Variants in RBFOX1 observed in about 807,000 individuals in gnomAD.
The protein encoded by RBFOX1 is RNA binding protein fox-1 homolog 1.
A neutral mutation model predicts 57.7 loss-of-function variants in RBFOX1; 8 were observed. That is an observed-to-expected ratio of 0.14 (90% CI 0.08 to 0.25). The LOEUF is 0.25. RBFOX1 is among the 10% of genes least tolerant of loss of function. The pLI, the probability that RBFOX1 is intolerant of heterozygous loss-of-function variation, is 1.00. For missense variants in RBFOX1, 611 were observed against 548.5 expected (o/e 1.11, Z -1.14); for synonymous variants, 326 against 222.4 (o/e 1.47, Z -4.15).
intron 4 of RBFOX1, among the ~76,000 whole-genome samples, chr16:5,992,227 AAG>A (rs1436827455): frequency 6.6e-6 from 1 of 152,214 alleles, no homozygotes; most frequent in Non-Finnish European, 1.5e-5. Context: ...TCAAAGAACA[AAG>A]AGTTTTCAAG....
chr16:5,989,766 C>G (rs748987), intron 4 of RBFOX1, among the ~76,000 whole-genome samples: 73,016 of 150,730 alleles, frequency 0.48, 17,882 homozygotes, highest in African/African-American at 0.53. Context: ...TGAGAATGAT[C>G]CTGGGCTAAG....
chr16:7,212,450 C>G (rs575947043), intron 4 of RBFOX1, among the ~76,000 whole-genome samples: 143 of 152,258 alleles, frequency 9.4e-4, no homozygotes, highest in Middle Eastern at 3.4e-3. Context: ...ATACTTGTAT[C>G]CATGCAGATG....
chr16:5,442,579 G>A (rs148321912), intron 1 of RBFOX1, among the ~76,000 whole-genome samples: 1 of 152,288 alleles, frequency 6.6e-6, no homozygotes, highest in Non-Finnish European at 1.5e-5. Context: ...AGGGAAGGGA[G>A]GACAGCCATG....
At chr16:6,757,463 T>C (rs1049886672) in intron 3 of RBFOX1, among the ~76,000 whole-genome samples, 1 of 152,136 alleles carries the variant, frequency 6.6e-6, no homozygotes, top group Non-Finnish European at 1.5e-5. Flanking sequence ...TATTCAGCCC[T>C]GAAAAAGGAT....
At chr16:7,209,319 G>A (rs1460650992) in intron 4 of RBFOX1, among the ~76,000 whole-genome samples, 1 of 152,032 alleles carries the variant, frequency 6.6e-6, no homozygotes, top group Admixed American at 6.6e-5. Context: ...TAGGCGACAA[G>A]AGCGAAACTC....
intron 3 of RBFOX1, among the ~76,000 whole-genome samples, chr16:6,888,615 G>A (rs1028831693): frequency 2.6e-5 from 4 of 151,920 alleles, no homozygotes; most frequent in African/African-American, 9.7e-5. Flanking sequence ...GAGGTCTTTT[G>A]GTTCATCAGG....
intron 10 of RBFOX1, among the ~76,000 whole-genome samples, chr16:7,611,664 G>C (rs1242049655): frequency 6.6e-6 from 1 of 152,084 alleles, no homozygotes; most frequent in African/African-American, 2.4e-5. Context: ...ACTTGGGTGG[G>C]GTGGGGGCGA....
At chr16:6,960,371 G>A (rs1026319459) in intron 3 of RBFOX1, among the ~76,000 whole-genome samples, 1 of 152,102 alleles carries the variant, frequency 6.6e-6, no homozygotes, top group African/African-American at 2.4e-5. Flanking sequence ...ATAAGCTCTG[G>A]AAAACTTTCT....
At chr16:5,303,513 G>C (rs1220616432) in intron 1 of RBFOX1, among the ~76,000 whole-genome samples, 1 of 152,114 alleles carries the variant, frequency 6.6e-6, no homozygotes, top group African/African-American at 2.4e-5. Flanking sequence ...GGAACATTCT[G>C]AAACCCTGGA....
intron 1 of RBFOX1, among the ~76,000 whole-genome samples, chr16:6,135,807 T>TG (rs2096662613): frequency 7.0e-6 from 1 of 142,634 alleles, no homozygotes; most frequent in African/African-American, 2.7e-5. Context: ...TTTTTTTTTT[T>TG]TTTTTGAGAC....
At chr16:7,597,904 G>C (rs980711527) in intron 9 of RBFOX1, among the ~76,000 whole-genome samples, 1 of 152,166 alleles carries the variant, frequency 6.6e-6, no homozygotes, top group Non-Finnish European at 1.5e-5. Context: ...GAATTCCACA[G>C]GGTTAGCAGA....
At chr16:5,397,484 G>A (rs1419640798) in intron 1 of RBFOX1, among the ~76,000 whole-genome samples, 2 of 152,216 alleles carry the variant, frequency 1.3e-5, no homozygotes, top group Non-Finnish European at 2.9e-5. Flanking sequence ...TCTATGGACG[G>A]CGGAGTGTGC....
At chr16:7,396,661 T>C (rs1290494021) in intron 4 of RBFOX1, among the ~76,000 whole-genome samples, 1 of 152,204 alleles carries the variant, frequency 6.6e-6, no homozygotes, top group Non-Finnish European at 1.5e-5. Context: ...GCAGGTGGGC[T>C]GAGAGTGGTG....
intron 1 of RBFOX1, among the ~76,000 whole-genome samples, chr16:6,231,657 C>T (rs1468612082): frequency 6.6e-6 from 1 of 152,222 alleles, no homozygotes; most frequent in Non-Finnish European, 1.5e-5. Context: ...AGGCCACTTA[C>T]AATCACTGTG....
intron 1 of RBFOX1, among the ~76,000 whole-genome samples, chr16:5,280,415 G>A (rs1186463455): frequency 2.0e-5 from 3 of 152,136 alleles, no homozygotes; most frequent in Non-Finnish European, 4.4e-5. Flanking sequence ...TTGTGTCCTT[G>A]TCTTGATTGG....
intron 1 of RBFOX1, among the ~76,000 whole-genome samples, chr16:6,068,461 C>T (rs763556328): frequency 7.2e-5 from 11 of 152,138 alleles, no homozygotes; most frequent in Non-Finnish European, 1.6e-4. Context: ...TGAAGCATGA[C>T]AAAATAATGA....
chr16:6,442,070 C>T (rs1393403998), intron 2 of RBFOX1, among the ~76,000 whole-genome samples: 1 of 152,166 alleles, frequency 6.6e-6, no homozygotes, highest in African/African-American at 2.4e-5. Flanking sequence ...CCTTAACTCT[C>T]AGTATCTAAC....
intron 3 of RBFOX1, among the ~76,000 whole-genome samples, chr16:5,721,616 C>T (rs922994094): frequency 2.0e-5 from 3 of 152,108 alleles, no homozygotes; most frequent in Admixed American, 6.5e-5. Context: ...CATAGATTCC[C>T]TTTATAATTT....
chr16:6,371,691 G>A (rs376393042), intron 2 of RBFOX1, among the ~76,000 whole-genome samples: 1 of 152,106 alleles, frequency 6.6e-6, no homozygotes, highest in Non-Finnish European at 1.5e-5. Flanking sequence ...AGTTCTGGGC[G>A]ATTATGGCTT....
Sources: gnomAD v4.1 joint callset for allele counts (sites outside exome capture counted in the v4.1 genomes callset) on GRCh38, gnomAD v4.1.1 for gene constraint, MANE v1.5 for transcripts, NCBI Gene and HGNC (gene_info 2026-07-23, HGNC 2026-07-21) for gene names.